CYTH1: variants seen among roughly 807,000 people sequenced by gnomAD.
CYTH1 encodes the protein cytohesin-1.
A neutral mutation model predicts 61.8 loss-of-function variants in CYTH1; 18 were observed. That is an observed-to-expected ratio of 0.29 (90% CI 0.20 to 0.43). CYTH1 has a LOEUF of 0.43. Ranked by LOEUF, CYTH1 falls within the 20% of genes least tolerant of loss-of-function variation. The pLI, the probability that CYTH1 is intolerant of heterozygous loss-of-function variation, is 1.00. For missense variants in CYTH1, 336 were observed against 510.5 expected (o/e 0.66, Z 3.29); for synonymous variants, 174 against 184.3 (o/e 0.94, Z 0.45).
At chr17:78,710,665 A>G (rs192225995) in intron 1 of CYTH1, among the ~76,000 whole-genome samples, 3 of 152,344 alleles carry the variant, frequency 2.0e-5, no homozygotes, top group East Asian at 3.9e-4. Flanking sequence ...TTCATCATCA[A>G]TGAAGTGGTC....
intron 1 of CYTH1, among the ~76,000 whole-genome samples, chr17:78,755,910 C>CAA (rs201343842): frequency 9.8e-4 from 110 of 112,010 alleles, no homozygotes; most frequent in African/African-American, 3.3e-3. Context: ...GACACTGCCT[C>CAA]AAAAAAAAAA....
chr17:78,760,557 GTATATATATATACACATACATATATA>G, intron 1 of CYTH1, among the ~76,000 whole-genome samples: 1 of 22,482 alleles, frequency 4.4e-5, no homozygotes, highest in Admixed American at 4.7e-4. Flanking sequence ...ATATATATAT[GTATATATATATACACATACATATATA>G]TGTATATATA....
chr17:78,697,767 C>T (rs1340987128), intron 9 of CYTH1, among the ~76,000 whole-genome samples: 2 of 152,084 alleles, frequency 1.3e-5, no homozygotes, highest in African/African-American at 4.8e-5. Flanking sequence ...GCGCCAGGTA[C>T]AAATCTGTGG....
chr17:78,692,305 A>C (rs1438271583), intron 11 of CYTH1, 112 bp downstream of exon 11: 2 of 1,082,000 alleles, frequency 1.8e-6, no homozygotes, highest in Non-Finnish European at 2.8e-6. Context: ...CCCATCCCCC[A>C]CAGATACTGA....
intron 1 of CYTH1, among the ~76,000 whole-genome samples, chr17:78,752,030 C>T (rs2093382378): frequency 2.0e-5 from 3 of 152,182 alleles, no homozygotes; most frequent in South Asian, 2.1e-4. Flanking sequence ...GCCACCGCGC[C>T]CGGCCTCAAA....
chr17:78,734,047 C>T (rs941310243), intron 1 of CYTH1, among the ~76,000 whole-genome samples: 19 of 152,122 alleles, frequency 1.2e-4, no homozygotes, highest in Non-Finnish European at 2.5e-4. Flanking sequence ...GTCAGGAGTT[C>T]AACACAAGCC....
chr17:78,738,172 A>G (rs558982224), intron 1 of CYTH1, among the ~76,000 whole-genome samples: 1 of 152,264 alleles, frequency 6.6e-6, no homozygotes, highest in African/African-American at 2.4e-5. Context: ...CCACCTCATC[A>G]TCGTAATAGA....
intron 1 of CYTH1, among the ~76,000 whole-genome samples, chr17:78,757,984 A>T (rs2093408507): frequency 6.6e-6 from 1 of 152,206 alleles, no homozygotes. Flanking sequence ...AACAAGTATC[A>T]TCATATACTG....
At chr17:78,748,529 G>C (rs533105318) in intron 1 of CYTH1, among the ~76,000 whole-genome samples, 2 of 152,278 alleles carry the variant, frequency 1.3e-5, no homozygotes, top group East Asian at 3.9e-4. Flanking sequence ...GATCTTTCTA[G>C]TACTTTTATT....
At position 78,730,536 on chromosome 17, in the gene CYTH1, C is replaced by CA. The variant is rs993348262; in HGVS notation, c.23-20805dup. Among the ~76,000 whole-genome samples the CA allele has an allele frequency of 9.7e-3, 1,296 of 134,128 alleles. 13 individuals carry two copies. The highest frequency in any genetic ancestry group is 0.032 in the African/African-American group (1,179 of 36,584). The allele number at this position is 134,128 out of a possible 152,430, so 88.0% of individuals were successfully genotyped here. On this transcript the variant is annotated intron_variant, in intron 1 of 13. Transcript: ENST00000446868. ...CCTGGGCGACAGCGAGACTCCGTCT[C>CA]AAAAAAAAAACAACAGTCACTGACT...
chr17:78,747,808 G>T (rs2093365199), intron 1 of CYTH1, among the ~76,000 whole-genome samples: 1 of 152,134 alleles, frequency 6.6e-6, no homozygotes, highest in South Asian at 2.1e-4. Context: ...ATGGCATCTG[G>T]TTGTTTCCAC....
chr17:78,766,087 GAAA>G (rs59673666), intron 1 of CYTH1, among the ~76,000 whole-genome samples: 2 of 65,682 alleles, frequency 3.0e-5, no homozygotes, highest in African/African-American at 1.3e-4. Context: ...CATCTCTACA[GAAA>G]AAAAAAAAAA....
At chr17:78,708,842 G>A (rs140121631) in intron 2 of CYTH1, 1 of 152,876 alleles carries the variant, frequency 6.5e-6, no homozygotes, top group African/African-American at 2.4e-5. Context: ...GCTTTCTCAC[G>A]ATCTACCAGT....
At chr17:78,741,407 G>A (rs1359304687) in intron 1 of CYTH1, among the ~76,000 whole-genome samples, 13 of 151,454 alleles carry the variant, frequency 8.6e-5, no homozygotes, top group Admixed American at 7.9e-4. Context: ...AAAAAAAAAC[G>A]TGAATATTTA....
At chr17:78,737,753 G>A (rs763258653) in intron 1 of CYTH1, among the ~76,000 whole-genome samples, 8 of 151,836 alleles carry the variant, frequency 5.3e-5, no homozygotes, top group African/African-American at 1.9e-4. Context: ...TTAGAAAATA[G>A]TAACAAGGAA....
intron 1 of CYTH1, among the ~76,000 whole-genome samples, chr17:78,719,125 G>C (rs1292735286): frequency 6.6e-6 from 1 of 152,170 alleles, no homozygotes; most frequent in Non-Finnish European, 1.5e-5. Flanking sequence ...CCAACTTCTG[G>C]GACGGATCCG....
chr17:78,756,892 T>C, intron 1 of CYTH1, among the ~76,000 whole-genome samples: 1 of 151,264 alleles, frequency 6.6e-6, no homozygotes, highest in Non-Finnish European at 1.5e-5. Flanking sequence ...AACACAAAGT[T>C]CAACCACTGG....
intron 1 of CYTH1, among the ~76,000 whole-genome samples, chr17:78,762,102 C>A (rs1282905091): frequency 6.6e-6 from 1 of 152,140 alleles, no homozygotes; most frequent in East Asian, 1.9e-4. Flanking sequence ...ACTTCTTTTT[C>A]CTATCAAGGT....
At chr17:78,676,328 T>G (rs968907163) in intron 13 of CYTH1, 159 bp from the exon 14 acceptor site, 1 of 652,198 alleles carries the variant, frequency 1.5e-6, no homozygotes, top group African/African-American at 1.8e-5. Flanking sequence ...CCTTGCTGTG[T>G]CCACACAGTG....
Sources: allele counts gnomAD v4.1 joint callset (sites outside exome capture counted in the v4.1 genomes callset), GRCh38; gene constraint gnomAD v4.1.1; transcripts MANE v1.5; gene names NCBI Gene and HGNC (gene_info 2026-07-23, HGNC 2026-07-21).